FHAD1: variants seen among roughly 807,000 people sequenced by gnomAD.
The protein encoded by FHAD1 is forkhead-associated domain-containing protein 1.
In FHAD1, 146 loss-of-function variants were observed where a neutral mutation model predicts 191.3. The observed-to-expected ratio is 0.76, with a 90% CI of 0.67 to 0.88. The LOEUF (loss-of-function observed/expected upper bound fraction) is 0.88. Ranked by LOEUF, FHAD1 falls within the 40% of genes least tolerant of loss-of-function variation. FHAD1 has a pLI of 0.00. For missense variants in FHAD1, 1,635 were observed against 1,785.8 expected (o/e 0.92, Z 1.52); for synonymous variants, 616 against 672.3 (o/e 0.92, Z 1.29).
chr1:15,375,935 T>C (rs1456544009), intron 28 of FHAD1, among the ~76,000 whole-genome samples: 1 of 152,208 alleles, frequency 6.6e-6, no homozygotes, highest in South Asian at 2.1e-4. Context: ...CACAGTATGG[T>C]TCCGCATGGT....
chr1:15,272,833 A>C (rs868019629), intron 3 of FHAD1, among the ~76,000 whole-genome samples: 1 of 152,174 alleles, frequency 6.6e-6, no homozygotes, highest in Non-Finnish European at 1.5e-5. Flanking sequence ...TGCTTTTGAA[A>C]ATGCAGAGGT....
In FHAD1 at chr1:15,318,675, T is replaced by C. The variant is rs71631718; in HGVS notation, c.1365+747T>C. ...AATTAAAAATAAATAAAACAAAACGTTGCTCCTCAGTTGCCAGCCACGTTC... is the reference window on the plus strand; with the variant it reads ...AATTAAAAATAAATAAAACAAAACGCTGCTCCTCAGTTGCCAGCCACGTTC... On this transcript the variant is annotated intron_variant, in intron 10 of 33. Coordinates refer to ENST00000688493, the MANE Select transcript of FHAD1 (RefSeq NM_001391957.1). The surrounding 1 kb of genome is among the most constrained non-coding windows in gnomAD (Gnocchi z 4.1). Among the ~76,000 whole-genome samples, 4,184 of 152,142 alleles carry C rather than the reference T, an allele frequency of 0.028. 135 individuals are homozygous for C. The highest frequency in any genetic ancestry group is 0.077 in the African/African-American group (3,204 of 41,492).
rs922070071 is a variant in FHAD1 at position 15,339,119 on chromosome 1, C to T, written c.1907-362C>T. The stretch of plus-strand genomic sequence containing the variant: ...GCAACCTCTGCCTTCCAGTTTCAAG[C>T]GATTCTCATGCCTCAGCCTCCCAAG... On this transcript the variant is annotated intron_variant, in intron 14 of 33. Coordinates refer to ENST00000688493, the MANE Select transcript of FHAD1 (RefSeq NM_001391957.1). Among the ~76,000 whole-genome samples the T allele has an allele frequency of 2.0e-5, 3 of 152,226 alleles. No individual in the cohort carries two copies. In the South Asian group the frequency reaches 6.2e-4, roughly 32 times the overall value.
In FHAD1 at chr1:15,345,424, GA is replaced by G; in HGVS notation, c.2251del (p.Ser751AlafsTer9). On this transcript the variant is annotated frameshift_variant, in exon 18 of 34. Transcript: ENST00000688493. LOFTEE classifies it high-confidence loss of function. The part of the protein sequence containing the change: ...LLAQQKKALA[K>X]SITQEKNRVK... ...AATGATCGTTGACTCAGGCTTTGGC[GA>G]AAAGCATTACCCAGGAGAAGAACAG... 6.4e-7 allele frequency: 1 copy of G among 1,552,302 alleles called. No homozygotes were observed. The highest frequency in any genetic ancestry group is 8.7e-7 in the Non-Finnish European group (1 of 1,147,070).
chr1:15,269,973 T>C lies in FHAD1; in HGVS notation c.94-2350T>C, dbSNP rs913262518. Reference sequence around the variant, plus strand: ...TCACCCAGGCTGGAGTGCAATGGCATGGTCTCAGCTCACTGCAACCTCCAC... The same window carrying C: ...TCACCCAGGCTGGAGTGCAATGGCACGGTCTCAGCTCACTGCAACCTCCAC... On this transcript the variant is annotated intron_variant, in intron 2 of 33. Transcript: ENST00000688493. Among the ~76,000 whole-genome samples the C allele has an allele frequency of 9.4e-5, 14 of 148,362 alleles. No individual in the cohort carries two copies. In the South Asian group the frequency reaches 1.5e-3, roughly 16 times the overall value.
chr1:15,392,495 G>A (rs1019753108), intron 33 of FHAD1, among the ~76,000 whole-genome samples: 2 of 151,966 alleles, frequency 1.3e-5, no homozygotes, highest in African/African-American at 4.8e-5. Context: ...TTGCGCCACT[G>A]CACTCCAGCC....
upstream of FHAD1, among the ~76,000 whole-genome samples, chr1:15,243,030 G>A (rs1008396502): frequency 3.3e-5 from 5 of 152,156 alleles, no homozygotes; most frequent in Admixed American, 1.3e-4. Flanking sequence ...GTTTTTGAAC[G>A]GATGGTACAG....
At chr1:15,309,140 AC>A (rs1203155738) in intron 7 of FHAD1, among the ~76,000 whole-genome samples, 1 of 152,182 alleles carries the variant, frequency 6.6e-6, no homozygotes, top group Non-Finnish European at 1.5e-5. Flanking sequence ...CCAGCCTCTT[AC>A]CCATCTCACA....
At chr1:15,345,717 C>G in intron 18 of FHAD1, 194 bp downstream of exon 18, 1 of 598,324 alleles carries the variant, frequency 1.7e-6, no homozygotes, top group Non-Finnish European at 3.0e-6. Context: ...GCCTTGACAA[C>G]CAGTTGGGAA....
At position 15,312,056 on chromosome 1, in the gene FHAD1, T is replaced by C. The variant is rs1305706458; in HGVS notation, c.1040-1001T>C. On this transcript the variant is annotated intron_variant, in intron 7 of 33. Coordinates refer to ENST00000688493, the MANE Select transcript of FHAD1 (RefSeq NM_001391957.1). This position sits in a 1 kb window ranked among gnomAD's most constrained non-coding sequence, Gnocchi z 4.7. Reference sequence around the variant, plus strand: ...CTTGAGTGTCCTCACAACATGGCGGTTGGCTTTCCCCAGACTGAGTGATCC... The same window carrying C: ...CTTGAGTGTCCTCACAACATGGCGGCTGGCTTTCCCCAGACTGAGTGATCC... The C allele has an allele frequency of 6.6e-6, 1 of 152,226 alleles. No homozygotes were observed. The highest frequency in any genetic ancestry group is 2.4e-5 in the African/African-American group (1 of 41,416). 9.4% of individuals were successfully genotyped at this position (152,226 alleles called of 1,614,324 possible). A position where few individuals can be genotyped will look rare whatever the true frequency, so the allele number is the denominator to read the frequency against.
At chr1:15,281,723 T>G (rs1660649772) in intron 3 of FHAD1, among the ~76,000 whole-genome samples, 1 of 131,056 alleles carries the variant, frequency 7.6e-6, no homozygotes, top group Non-Finnish European at 1.5e-5. Flanking sequence ...ATCGCGCTAC[T>G]GCACTCCAGC....
intron 25 of FHAD1, among the ~76,000 whole-genome samples, chr1:15,368,311 A>G (rs1697114238): frequency 6.6e-6 from 1 of 152,160 alleles, no homozygotes; most frequent in South Asian, 2.1e-4. Flanking sequence ...CCACGAGGAC[A>G]GGGTCTGTGT....
chr1:15,242,148 G>A lies in FHAD1; in HGVS notation c.-15+5387G>A, dbSNP rs921407005. Reference sequence around the variant, plus strand: ...CTCAGGCGGCTGAAGCAGGAGAATCGCTTGAACCCGGGAGGAGGAGGTTGC... The same window carrying A: ...CTCAGGCGGCTGAAGCAGGAGAATCACTTGAACCCGGGAGGAGGAGGTTGC... On this transcript the variant is annotated intron_variant, in intron 1 of 33. Coordinates refer to the FHAD1 transcript ENST00000683790. Among the ~76,000 whole-genome samples the A allele has an allele frequency of 8.7e-5, 13 of 149,654 alleles. No homozygotes were observed. The East Asian group carries it at 1.8e-3, about 20-fold the overall frequency.
chr1:15,399,567 A>C (rs1706948234), downstream of FHAD1, among the ~76,000 whole-genome samples: 2 of 151,466 alleles, frequency 1.3e-5, no homozygotes, highest in South Asian at 2.1e-4. Context: ...CCTTGTCTCA[A>C]AAAAAAAATA....
chr1:15,388,706 G>A (rs1010342396), intron 32 of FHAD1, among the ~76,000 whole-genome samples: 3 of 152,082 alleles, frequency 2.0e-5, no homozygotes, highest in Non-Finnish European at 4.4e-5. Context: ...GGCAGCCAAC[G>A]AGAAATGGGA....
At chr1:15,321,517 T>C (rs925227692) in intron 10 of FHAD1, among the ~76,000 whole-genome samples, 1 of 152,256 alleles carries the variant, frequency 6.6e-6, no homozygotes, top group Non-Finnish European at 1.5e-5. Context: ...TCCAGACTTA[T>C]ATGCCATTGT....
At chr1:15,296,657 G>T (rs1667095037) in intron 4 of FHAD1, 27 bp from the exon 5 acceptor site, 1 of 1,538,204 alleles carries the variant, frequency 6.5e-7, no homozygotes, top group African/African-American at 1.4e-5. Context: ...GATGTCTTTT[G>T]TGCTCTCTGC....
Position 15,316,395 on chromosome 1 carries a change from A to G in FHAD1, c.1188A>G (p.Glu396=), listed in dbSNP as rs1244998133. Residue 396 remains glutamate (E), a synonymous_variant, in exon 9 of 34, where the codon GAA becomes GAG. Transcript: ENST00000688493. The surrounding 1 kb of genome is among the most constrained non-coding windows in gnomAD (Gnocchi z 4.3). ...CTCCACAGTGCTCGGTGCTAAAGGAAGAGTTAAAACAGGAAGATGCTCACA... is the reference window on the plus strand; with the variant it reads ...CTCCACAGTGCTCGGTGCTAAAGGAGGAGTTAAAACAGGAAGATGCTCACA... The part of the protein sequence containing the change: ...ALGSRCSVLK[E]ELKQEDAHRE... 5.8e-6 allele frequency: 9 copies of G among 1,551,622 alleles called. No individual in the cohort carries two copies. Among genetic ancestry groups the G allele is most frequent in the Non-Finnish European group, 7.8e-6 (9 of 1,147,006 alleles).
rs192474186 is a variant in FHAD1, at chr1:15,288,966, G to A, written c.301-433G>A. 1.3e-4 allele frequency among the ~76,000 whole-genome samples: 20 copies of A among 152,224 alleles called. 1 individual carries two copies. The highest frequency in any genetic ancestry group is 1.0e-3 in the Admixed American group (16 of 15,294). Reference sequence around the variant, plus strand: ...AGGAGAGTCCAGGAAGGCTTCCTGGGGGAAGTGACTCATTGTTTTTTTGTT... The same window carrying A: ...AGGAGAGTCCAGGAAGGCTTCCTGGAGGAAGTGACTCATTGTTTTTTTGTT... On this transcript the variant is annotated intron_variant, in intron 3 of 33. Transcript: ENST00000688493.
Sources: gnomAD v4.1 joint callset for allele counts (sites outside exome capture counted in the v4.1 genomes callset) on GRCh38, gnomAD v4.1.1 for gene constraint, Gnocchi (gnomAD v3.1) non-coding constraint, MANE v1.5 for transcripts, NCBI Gene and HGNC (gene_info 2026-07-23, HGNC 2026-07-21) for gene names.